ESRRB: variants seen among roughly 807,000 people sequenced by gnomAD.
ESRRB encodes the protein steroid hormone receptor ERR2.
ESRRB carries 16 observed loss-of-function variants against 46.0 expected under a neutral mutation model. The ratio of observed to expected loss-of-function variants is 0.35; its 90% CI spans 0.24 to 0.53. ESRRB has a LOEUF of 0.53. ESRRB is among the 20% of genes least tolerant of loss of function. ESRRB has a pLI of 0.93. For synonymous variants in ESRRB, 246 were observed against 259.6 expected, an observed-to-expected ratio of 0.95 and a Z score of 0.50; for missense variants, 488 against 607.4, an observed-to-expected ratio of 0.80 and a Z score of 2.07.
intron 1 of ESRRB, among the ~76,000 whole-genome samples, chr14:76,408,905 A>G (rs1196276427): frequency 6.6e-6 from 1 of 152,202 alleles, no homozygotes; most frequent in Non-Finnish European, 1.5e-5. Context: ...AACATATTAC[A>G]CATATCATCT....
In ESRRB at chr14:76,500,648, C is replaced by T. The variant is rs778371237; in HGVS notation, c.*2190C>T. The T allele has an allele frequency of 1.1e-5, 18 of 1,608,858 alleles. No individual in the cohort carries two copies. Among genetic ancestry groups the T allele is most frequent in the Middle Eastern group, 1.7e-4 (1 of 6,046 alleles). On this transcript the variant is annotated 3_prime_UTR_variant, in exon 7 of 7. Transcript: ENST00000644823. ...TCCTGCTCAAGCTGGAGGACCCAGG[C>T]GGCAGGGCATCATGCCCAGCTGGCA...
intron 1 of ESRRB, among the ~76,000 whole-genome samples, chr14:76,323,159 A>G (rs1288763785): frequency 6.6e-6 from 1 of 152,166 alleles, no homozygotes; most frequent in Non-Finnish European, 1.5e-5. Context: ...ACAGTGTCAC[A>G]TTGAAAACCT....
intron 1 of ESRRB, among the ~76,000 whole-genome samples, chr14:76,315,651 C>T (rs936361007): frequency 6.6e-6 from 1 of 152,200 alleles, no homozygotes; most frequent in Non-Finnish European, 1.5e-5. Flanking sequence ...ACGGAGCACT[C>T]GCTTCTGCAC....
intron 3 of ESRRB, among the ~76,000 whole-genome samples, chr14:76,475,066 C>CA (rs1188429861): frequency 6.6e-6 from 1 of 151,696 alleles, no homozygotes; most frequent in African/African-American, 2.4e-5. Flanking sequence ...CCCATCTTTG[C>CA]AAAAAAATTT....
chr14:76,462,674 A>ACGCCTGTAATCCCAGCACTTTGGGAGG lies in ESRRB; in HGVS notation c.577+14_577+15insGCCTGTAATCCCAGCACTTTGGGAGGC. Reference sequence around the variant, plus strand: ...ATGCTGAAGGAAGGTAAGAGACCCCACCGAGTCGGGGTTCACTGTGAGGCT... The same window carrying ACGCCTGTAATCCCAGCACTTTGGGAGG: ...ATGCTGAAGGAAGGTAAGAGACCCCACGCCTGTAATCCCAGCACTTTGGGAGGCCGAGTCGGGGTTCACTGTGAGGCT... On this transcript the variant is annotated intron_variant, in intron 3 of 6. Transcript: ENST00000644823. The ACGCCTGTAATCCCAGCACTTTGGGAGG allele has an allele frequency of 6.3e-7, 1 of 1,590,678 alleles. No homozygotes were observed. Among genetic ancestry groups the ACGCCTGTAATCCCAGCACTTTGGGAGG allele is most frequent in the Non-Finnish European group, 8.6e-7 (1 of 1,158,960 alleles).
intron 1 of ESRRB, among the ~76,000 whole-genome samples, chr14:76,413,813 CG>C (rs1279269022): frequency 1.3e-5 from 2 of 151,262 alleles, no homozygotes; most frequent in African/African-American, 2.4e-5. Flanking sequence ...GCAGCAGAGG[CG>C]GCCCCCGCAC....
chr14:76,432,738 C>T (rs1182800049), intron 1 of ESRRB, among the ~76,000 whole-genome samples: 2 of 138,534 alleles, frequency 1.4e-5, no homozygotes, highest in Non-Finnish European at 3.0e-5. Context: ...TGCAGTGGCA[C>T]AGTCTCAGCT....
In ESRRB at chr14:76,482,232, G is replaced by GGTGGGGACATGAGACAA; in HGVS notation, c.688+106_688+107insGTGGGGACATGAGACAA. 2.3e-6 allele frequency: 2 copies of GGTGGGGACATGAGACAA among 876,926 alleles called. No homozygotes were observed. The highest frequency in any genetic ancestry group is 3.7e-6 in the Non-Finnish European group (2 of 534,870). The allele number at this position is 876,926 out of a possible 1,614,324, so 54.3% of individuals were successfully genotyped here. On this transcript the variant is annotated intron_variant, in intron 4 of 6. Coordinates refer to ENST00000644823, the MANE Select transcript of ESRRB (RefSeq NM_001379180.1). This position sits in a 1 kb window ranked among gnomAD's most constrained non-coding sequence, Gnocchi z 4.3. Reference sequence around the variant, plus strand: ...TCCCACCACTGGGTCATGAGACAATGTGGATCTTGGGGAGGTGACATCAGT... The same window carrying GGTGGGGACATGAGACAA: ...TCCCACCACTGGGTCATGAGACAATGGTGGGGACATGAGACAATGGATCTTGGGGAGGTGACATCAGT...
At chr14:76,414,736 G>A (rs1185429890) in intron 1 of ESRRB, among the ~76,000 whole-genome samples, 1 of 147,468 alleles carries the variant, frequency 6.8e-6, no homozygotes, top group Non-Finnish European at 1.5e-5. Context: ...CACAATCGCT[G>A]ATTGGAAGGA....
At chr14:76,470,746 G>A (rs902168655) in intron 3 of ESRRB, among the ~76,000 whole-genome samples, 7 of 152,160 alleles carry the variant, frequency 4.6e-5, no homozygotes, top group Admixed American at 1.3e-4. Context: ...GGAGTGCAGT[G>A]ACATGATCAT....
chr14:76,394,665 C>A (rs894220392), intron 1 of ESRRB, among the ~76,000 whole-genome samples: 2 of 152,182 alleles, frequency 1.3e-5, no homozygotes, highest in Non-Finnish European at 2.9e-5. Flanking sequence ...TGACCTTTAC[C>A]CAGAGCTGTC....
At chr14:76,490,771 C>T (rs1024414067) in intron 5 of ESRRB, among the ~76,000 whole-genome samples, 10 of 152,206 alleles carry the variant, frequency 6.6e-5, no homozygotes, top group African/African-American at 2.4e-4. Context: ...CCTGCTGGGT[C>T]ATCGTTAAGC....
chr14:76,332,890 A>G (rs1486236962), intron 1 of ESRRB, among the ~76,000 whole-genome samples: 1 of 36,366 alleles, frequency 2.7e-5, no homozygotes, highest in African/African-American at 1.2e-4. Context: ...TATATTATAT[A>G]TTTATATATT....
intron 3 of ESRRB, among the ~76,000 whole-genome samples, chr14:76,479,217 T>C (rs866321774): frequency 2.8e-5 from 4 of 144,914 alleles, no homozygotes; most frequent in Non-Finnish European, 6.0e-5. Flanking sequence ...CACTGTCTGT[T>C]TGTGTGTGTG....
chr14:76,379,552 T>C (rs954736134), intron 1 of ESRRB, among the ~76,000 whole-genome samples: 2 of 152,156 alleles, frequency 1.3e-5, no homozygotes, highest in Non-Finnish European at 2.9e-5. Context: ...CAGTCTCGGT[T>C]TTCCAAGGGA....
At chr14:76,321,069 G>A (rs186143739) in intron 1 of ESRRB, among the ~76,000 whole-genome samples, 40 of 152,138 alleles carry the variant, frequency 2.6e-4, no homozygotes, top group South Asian at 1.2e-3. Flanking sequence ...AAATGGCCTC[G>A]ATTTTATCAT....
chr14:76,323,194 A>C (rs983064374), intron 1 of ESRRB, among the ~76,000 whole-genome samples: 1 of 152,096 alleles, frequency 6.6e-6, no homozygotes, highest in East Asian at 1.9e-4. Context: ...TAGATGACCC[A>C]ACAGAGAGAT....
chr14:76,436,513 G>C (rs1245467122), intron 1 of ESRRB, among the ~76,000 whole-genome samples: 1 of 152,180 alleles, frequency 6.6e-6, no homozygotes, highest in East Asian at 1.9e-4. Context: ...GTGCCCTAGG[G>C]TCTTCCTGTG....
intron 1 of ESRRB, among the ~76,000 whole-genome samples, chr14:76,428,989 C>T (rs1049494066): frequency 1.4e-4 from 21 of 152,104 alleles, no homozygotes; most frequent in African/African-American, 5.1e-4. Context: ...CTTGGGTCAT[C>T]CTGCAGCCCT....
Sources: gnomAD v4.1 joint callset for allele counts (sites outside exome capture counted in the v4.1 genomes callset) on GRCh38, gnomAD v4.1.1 for gene constraint, Gnocchi (gnomAD v3.1) non-coding constraint, MANE v1.5 for transcripts, NCBI Gene and HGNC (gene_info 2026-07-23, HGNC 2026-07-21) for gene names.